The following ZNF577 variants were observed in gnomAD, a reference collection of about 807,000 sequenced individuals.
ZNF577 encodes the protein zinc finger protein 577.
In ZNF577, 14 loss-of-function variants were observed where a neutral mutation model predicts 13.9. The ratio of observed to expected loss-of-function variants is 1.00; its 90% confidence interval spans 0.66 to 1.57. ZNF577 has a LOEUF of 1.57. Among genes scored for constraint, ZNF577 ranks in the 40% most tolerant of loss-of-function variants. The pLI, the probability that ZNF577 is intolerant of heterozygous loss-of-function variation, is 0.00. For synonymous variants in ZNF577, 203 were observed against 202.9 expected (o/e 1.00, Z 0.00); for missense variants, 555 against 579.2 (o/e 0.96, Z 0.43).
intron 5 of ZNF577, among the ~76,000 whole-genome samples, chr19:51,853,821 A>C (rs2122570426): frequency 6.6e-6 from 1 of 152,300 alleles, no homozygotes; most frequent in East Asian, 1.9e-4. Flanking sequence ...GACATCGTGA[A>C]GGTGTTGTGC....
At chr19:51,820,999 C>CA (rs1259012428) in intron 9 of ZNF577, among the ~76,000 whole-genome samples, 1 of 152,182 alleles carries the variant, frequency 6.6e-6, no homozygotes, top group Admixed American at 6.5e-5. Context: ...TTGCTATGAG[C>CA]ATTGTTCTTG....
chr19:51,858,362 A>G (rs1382268290), intron 5 of ZNF577, among the ~76,000 whole-genome samples: 1 of 152,224 alleles, frequency 6.6e-6, no homozygotes, highest in African/African-American at 2.4e-5. Flanking sequence ...CAGCCATTCC[A>G]TACTACTTAG....
chr19:51,872,794 T>C lies in ZNF577; in HGVS notation c.1196A>G (p.Tyr399Cys). The change falls in exon 6 of 6, where the codon TAC (tyrosine) becomes TGC (cysteine). Residue 399 changes from tyrosine (Y) to cysteine (C), a missense_variant. Coordinates refer to ENST00000638348, the MANE Select transcript of ZNF577 (RefSeq NM_001370449.1). ...TTGCTCTTGTATGAGTTCGCTCATG[T>C]ATAAGGAGGTATGACTCCTTGAGGA... ...KPSSRSHTSL[Y>C]MSELIQEQKT... 1 of 1,614,238 alleles carries C rather than the reference T, an allele frequency of 6.2e-7. No homozygotes were observed.
intron 9 of ZNF577, among the ~76,000 whole-genome samples, chr19:51,836,926 C>A (rs1042327626): frequency 1.3e-5 from 2 of 151,688 alleles, no homozygotes; most frequent in South Asian, 4.2e-4. Context: ...CACCTGTAAT[C>A]CCAGCTACTT....
At chr19:51,847,628 C>A (rs898642112) in intron 5 of ZNF577, among the ~76,000 whole-genome samples, 2 of 152,106 alleles carry the variant, frequency 1.3e-5, no homozygotes, top group Non-Finnish European at 2.9e-5. Context: ...TCTCTAGTTT[C>A]TTCCTCAATC....
intron 9 of ZNF577, among the ~76,000 whole-genome samples, chr19:51,827,165 G>A (rs2084236357): frequency 6.6e-6 from 1 of 152,156 alleles, no homozygotes; most frequent in South Asian, 2.1e-4. Flanking sequence ...AGAGCAAGAA[G>A]GGTGTTAGTT....
rs1296508078 is a variant in ZNF577, at chr19:51,887,367, T to G, written c.-765A>C. ...AAAATTATACCAATACCTAGACACC[T>G]GATCCCAACATTAAACATGAAATAC... On this transcript the variant is annotated 5_prime_UTR_variant, in exon 1 of 6. Transcript: ENST00000638348. 1 of 152,176 alleles carries G rather than the reference T, an allele frequency of 6.6e-6. No homozygotes were observed. Among genetic ancestry groups the G allele is most frequent in the Non-Finnish European group, 1.5e-5 (1 of 68,030 alleles). 9.4% of individuals were successfully genotyped at this position (152,176 alleles called of 1,614,324 possible). A position where few individuals can be genotyped will look rare whatever the true frequency, so the allele number is the denominator to read the frequency against.
chr19:51,880,535 A>G (rs1407892707), intron 2 of ZNF577, 134 bp from the exon 3 acceptor site: 3 of 735,888 alleles, frequency 4.1e-6, no homozygotes, highest in Non-Finnish European at 4.5e-6. Flanking sequence ...ATTTGCCAGG[A>G]TTTTAAGATT....
chr19:51,884,329 C>T (rs549167435), intron 1 of ZNF577, among the ~76,000 whole-genome samples: 9 of 152,146 alleles, frequency 5.9e-5, no homozygotes, highest in South Asian at 2.1e-4. Context: ...TACTGGGATA[C>T]GTACAAGTTT....
chr19:51,862,613 TC>T (rs1423620175), downstream of ZNF577: 1 of 152,560 alleles, frequency 6.6e-6, no homozygotes, highest in Non-Finnish European at 1.5e-5. Context: ...AGGTTCGACT[TC>T]CAAGGAAAAG....
intron 9 of ZNF577, among the ~76,000 whole-genome samples, chr19:51,836,059 A>G (rs547721350): frequency 1.3e-5 from 2 of 152,376 alleles, no homozygotes; most frequent in South Asian, 4.1e-4. Context: ...TTTACACATT[A>G]GTGGTTTTAA....
intron 1 of ZNF577, among the ~76,000 whole-genome samples, chr19:51,884,644 TA>T (rs979227750): frequency 6.4e-4 from 93 of 144,304 alleles, no homozygotes; most frequent in South Asian, 1.1e-3. Context: ...ATCAATAGAA[TA>T]AAAAAAAAAA....
chr19:51,875,062 G>T (rs1295722608), intron 5 of ZNF577, among the ~76,000 whole-genome samples: 3 of 151,966 alleles, frequency 2.0e-5, no homozygotes, highest in African/African-American at 7.3e-5. Flanking sequence ...TAGACACAAA[G>T]GAGATAAAAG....
rs1052637838 is a variant in ZNF577, at chr19:51,870,458, C to G, written c.*2074G>C. Among the ~76,000 whole-genome samples, 9 of 152,244 alleles carry G rather than the reference C, an allele frequency of 5.9e-5. No individual in the cohort carries two copies. Among genetic ancestry groups the G allele is most frequent in the Admixed American group, 5.2e-4 (8 of 15,300 alleles). Reference sequence around the variant, plus strand: ...AGGCAGCCTTTACTGTAGAGCAAATCTGAGCCACCCACAGAGGCAATACTC... The same window carrying G: ...AGGCAGCCTTTACTGTAGAGCAAATGTGAGCCACCCACAGAGGCAATACTC... On this transcript the variant is annotated 3_prime_UTR_variant, in exon 6 of 6. Coordinates refer to ENST00000638348, the MANE Select transcript of ZNF577 (RefSeq NM_001370449.1).
chr19:51,859,578 T>C (rs987123655), intron 5 of ZNF577, among the ~76,000 whole-genome samples: 2 of 149,744 alleles, frequency 1.3e-5, no homozygotes, highest in Non-Finnish European at 3.0e-5. Context: ...TCTTTTATAA[T>C]CTTTGGATGT....
At chr19:51,846,735 T>C (rs987293031) in intron 5 of ZNF577, among the ~76,000 whole-genome samples, 1 of 151,658 alleles carries the variant, frequency 6.6e-6, no homozygotes, top group Non-Finnish European at 1.5e-5. Flanking sequence ...AGAATTTGCA[T>C]TCTCCCCCTA....
chr19:51,864,592 T>C (rs140516858), downstream of ZNF577, among the ~76,000 whole-genome samples: 11 of 152,154 alleles, frequency 7.2e-5, no homozygotes, highest in African/African-American at 2.4e-4. Context: ...CCTCGAGATA[T>C]AAGGAGAAAG....
chr19:51,863,950 C>T (rs1311905074), downstream of ZNF577, among the ~76,000 whole-genome samples: 2 of 152,006 alleles, frequency 1.3e-5, no homozygotes, highest in African/African-American at 2.4e-5. Flanking sequence ...ACGTTTAGGC[C>T]GAAATCAGGG....
At chr19:51,809,269 TGCTCTG>T (rs1181227421) in intron 10 of ZNF577, among the ~76,000 whole-genome samples, 1 of 152,240 alleles carries the variant, frequency 6.6e-6, no homozygotes, top group Non-Finnish European at 1.5e-5. Context: ...AAAATCTCAG[TGCTCTG>T]TTGAACACTT....
Sources: gnomAD v4.1 joint callset for allele counts (sites outside exome capture counted in the v4.1 genomes callset) on GRCh38, gnomAD v4.1.1 for gene constraint, MANE v1.5 for transcripts, NCBI Gene and HGNC (gene_info 2026-07-23, HGNC 2026-07-21) for gene names.